The following OR51B5 variants were observed in gnomAD, a reference collection of about 807,000 sequenced individuals.
OR51B5 encodes olfactory receptor 51B5.
For missense variants in OR51B5, 456 were observed against 374.6 expected, an observed-to-expected ratio of 1.22 and a Z score of -1.79; for synonymous variants, 186 against 144.8, an observed-to-expected ratio of 1.28 and a Z score of -2.04.
intron 1 of OR51B5, among the ~76,000 whole-genome samples, chr11:5,419,386 C>T (rs749462023): frequency 6.6e-6 from 1 of 152,150 alleles, no homozygotes; most frequent in Non-Finnish European, 1.5e-5. Flanking sequence ...ACAGTTGGTC[C>T]TCCGTATTTG....
chr11:5,454,000 C>T, intron 1 of OR51B5: 1 of 1,613,992 alleles, frequency 6.2e-7, no homozygotes, highest in Non-Finnish European at 8.5e-7. Context: ...ATCTGCAGAT[C>T]CAATGTTCTT....
intron 1 of OR51B5, chr11:5,422,114 G>C (rs893208901): frequency 6.6e-6 from 7 of 1,055,910 alleles, no homozygotes; most frequent in Non-Finnish European, 8.3e-6. Context: ...GTAGAATTTG[G>C]ATTAAATGGG....
intron 1 of OR51B5, among the ~76,000 whole-genome samples, chr11:5,451,611 A>T (rs6578648): frequency 0.4 from 60,213 of 151,992 alleles, 13,136 homozygotes; most frequent in Non-Finnish European, 0.5. Flanking sequence ...GGGATATTTT[A>T]AAAATGCTTC....
chr11:5,440,455 T>C lies in OR51B5; in HGVS notation n.84+65114A>G, dbSNP rs140818784. 5.5e-4 allele frequency: 356 copies of C among 648,142 alleles called. 2 individuals carry two copies. The highest frequency in any genetic ancestry group is 5.2e-3 in the African/African-American group (284 of 55,068). 40.1% of individuals were successfully genotyped at this position (648,142 alleles called of 1,614,324 possible). On this transcript the variant is annotated intron_variant and non_coding_transcript_variant, in intron 1 of 4. Transcript: ENST00000415970. ...TAGTCAAATATTATTTTATTAGTGA[T>C]ACATTCACTACTATCAAGATCCTGG...
intron 1 of OR51B5, chr11:5,352,249 G>C: frequency 6.2e-7 from 1 of 1,614,160 alleles, no homozygotes; most frequent in Middle Eastern, 1.6e-4. Flanking sequence ...CTGCATCCTG[G>C]TCTTCTATGT....
At chr11:5,488,763 G>T (rs1201223229) in intron 1 of OR51B5, 2 of 1,613,818 alleles carry the variant, frequency 1.2e-6, no homozygotes, top group Admixed American at 1.7e-5. Context: ...TCTTAACAGG[G>T]ATCCCAGGGC....
rs573269521 is a variant in OR51B5 at position 5,447,536 on chromosome 11, T to C, written n.84+58033A>G. 1.1e-4 allele frequency among the ~76,000 whole-genome samples: 17 copies of C among 152,324 alleles called. No individual in the cohort carries two copies. In the East Asian group the frequency reaches 1.5e-3, roughly 14 times the overall value. ...AAATCTGTATAAATAATTTCCAGGATTAAATATATTCAGTTTTTTTGTACT... is the reference window on the plus strand; with the variant it reads ...AAATCTGTATAAATAATTTCCAGGACTAAATATATTCAGTTTTTTTGTACT... On this transcript the variant is annotated intron_variant and non_coding_transcript_variant, in intron 1 of 4. Coordinates refer to the OR51B5 transcript ENST00000415970.
At chr11:5,352,413 T>C in intron 1 of OR51B5, 1 of 1,608,808 alleles carries the variant, frequency 6.2e-7, no homozygotes, top group East Asian at 2.2e-5. Context: ...GTGGCATACT[T>C]CGTTTATTCT....
intron 1 of OR51B5, among the ~76,000 whole-genome samples, chr11:5,419,082 T>C (rs563142115): frequency 6.6e-6 from 1 of 152,266 alleles, no homozygotes; most frequent in South Asian, 2.1e-4. Flanking sequence ...ATCTTCACTC[T>C]CCTTCAAATT....
In OR51B5 at chr11:5,403,327, G is replaced by A. The variant is rs557562740; in HGVS notation, n.85-56417C>T. 6 of 471,616 alleles carry A rather than the reference G, an allele frequency of 1.3e-5. No homozygotes were observed. The East Asian group carries it at 3.5e-4, about 27-fold the overall frequency. 29.2% of individuals were successfully genotyped at this position (471,616 alleles called of 1,614,324 possible). On this transcript the variant is annotated intron_variant and non_coding_transcript_variant, in intron 1 of 4. Coordinates refer to the OR51B5 transcript ENST00000415970. ...AGGAAGAAGGCACTCAACACATGTG[G>A]CTCACACGTCTGTGCTGTGCTTGCT...
At chr11:5,478,805 T>G (rs1851362420) in intron 1 of OR51B5, among the ~76,000 whole-genome samples, 1 of 150,226 alleles carries the variant, frequency 6.7e-6, no homozygotes, top group Non-Finnish European at 1.5e-5. Context: ...AAGGGAAGTT[T>G]AGAGAAAAAA....
chr11:5,471,033 C>T (rs1204029255), intron 1 of OR51B5, among the ~76,000 whole-genome samples: 1 of 152,190 alleles, frequency 6.6e-6, no homozygotes, highest in African/African-American at 2.4e-5. Context: ...AGCTGCAAGA[C>T]CACATAAGAA....
intron 1 of OR51B5, among the ~76,000 whole-genome samples, chr11:5,451,248 T>C (rs569904672): frequency 1.4e-4 from 21 of 152,228 alleles, no homozygotes; most frequent in South Asian, 6.2e-4. Flanking sequence ...CTTCTACAAA[T>C]ACTAAAGCAT....
intron 1 of OR51B5, among the ~76,000 whole-genome samples, chr11:5,358,834 T>C (rs1427593189): frequency 6.6e-6 from 1 of 152,120 alleles, no homozygotes; most frequent in African/African-American, 2.4e-5. Context: ...CAAGGCTGGT[T>C]CAACATATGC....
At chr11:5,407,811 A>C (rs1477517235) in intron 1 of OR51B5, among the ~76,000 whole-genome samples, 1 of 152,056 alleles carries the variant, frequency 6.6e-6, no homozygotes, top group Non-Finnish European at 1.5e-5. Flanking sequence ...TCTTCAAATA[A>C]GCAAATAATT....
At chr11:5,365,525 C>T (rs10500636) in intron 1 of OR51B5, among the ~76,000 whole-genome samples, 40,763 of 152,034 alleles carry the variant, frequency 0.27, 5,730 homozygotes, top group African/African-American at 0.32. Flanking sequence ...TAGGATATGG[C>T]TGTACTACCT....
intron 1 of OR51B5, among the ~76,000 whole-genome samples, chr11:5,502,364 C>A (rs866573129): frequency 6.6e-6 from 1 of 152,154 alleles, no homozygotes; most frequent in Non-Finnish European, 1.5e-5. Context: ...ATGAATGTAT[C>A]GAGCTCCAGT....
chr11:5,356,177 C>T (rs113279115), intron 1 of OR51B5, among the ~76,000 whole-genome samples: 6 of 151,728 alleles, frequency 4.0e-5, no homozygotes, highest in East Asian at 1.9e-4. Context: ...CAAACTACTC[C>T]GAGCTAAAGG....
chr11:5,364,739 G>T (rs371430209), intron 1 of OR51B5, among the ~76,000 whole-genome samples: 28 of 152,136 alleles, frequency 1.8e-4, no homozygotes, highest in Non-Finnish European at 3.2e-4. Context: ...TCTTCAAAGT[G>T]AATGATCAAA....
Sources: gnomAD v4.1 joint callset for allele counts (sites outside exome capture counted in the v4.1 genomes callset) on GRCh38, gnomAD v4.1.1 for gene constraint, MANE v1.5 for transcripts, NCBI Gene and HGNC (gene_info 2026-07-23, HGNC 2026-07-21) for gene names.